VPS13D: variants seen among roughly 807,000 people sequenced by gnomAD.
The protein encoded by VPS13D is vacuolar protein sorting 13 homolog D.
In VPS13D, 187 loss-of-function variants were observed where a neutral mutation model predicts 461.9. The observed-to-expected ratio is 0.40, with a 90% CI of 0.36 to 0.46. The LOEUF is 0.46. Among genes scored for constraint, VPS13D ranks in the 20% least tolerant of loss-of-function variants. The pLI is 0.60. For missense variants in VPS13D, 4,711 were observed against 5,364.9 expected, an observed-to-expected ratio of 0.88 and a Z score of 3.81; for synonymous variants, 1,951 against 1,986.3, an observed-to-expected ratio of 0.98 and a Z score of 0.47.
At position 12,282,917 on chromosome 1, in the gene VPS13D, G is replaced by A. The variant is rs1269490502; in HGVS notation, c.4815G>A (p.Lys1605=). 4 of 1,614,178 alleles carry A rather than the reference G, an allele frequency of 2.5e-6. No individual in the cohort carries two copies. The South Asian group carries it at 3.3e-5, about 13-fold the overall frequency. Reference sequence around the variant, plus strand: ...CCAGCCTTTCTAACACCTCTCAGAAGTCATTGTCAGTGAAGGAAGTCAAAT... The same window carrying A: ...CCAGCCTTTCTAACACCTCTCAGAAATCATTGTCAGTGAAGGAAGTCAAAT... The part of the protein sequence containing the change: ...SHSSLSNTSQ[K]SLSVKEVKSF... Residue 1605 remains lysine (K), a synonymous_variant, in exon 21 of 70, where the codon AAG becomes AAA. Transcript: ENST00000620676.
intron 32 of VPS13D, among the ~76,000 whole-genome samples, chr1:12,321,388 G>A (rs1557707732): frequency 6.6e-6 from 1 of 152,158 alleles, no homozygotes; most frequent in Non-Finnish European, 1.5e-5. Flanking sequence ...TGTTGTAACT[G>A]TCTTCTTAAA....
chr1:12,370,259 C>T (rs575040998), intron 54 of VPS13D, among the ~76,000 whole-genome samples: 4 of 152,258 alleles, frequency 2.6e-5, no homozygotes, highest in East Asian at 1.9e-4. Flanking sequence ...TAGATTGCCA[C>T]GCAGAGATTC....
chr1:12,300,253 G>A (rs957965373), intron 25 of VPS13D, among the ~76,000 whole-genome samples: 2 of 147,360 alleles, frequency 1.4e-5, no homozygotes, highest in African/African-American at 5.0e-5. Context: ...TGTTGCCAAG[G>A]CTGGAGTGCA....
chr1:12,330,364 G>A (rs994709582), intron 37 of VPS13D, among the ~76,000 whole-genome samples: 3 of 152,156 alleles, frequency 2.0e-5, no homozygotes, highest in Non-Finnish European at 4.4e-5. Context: ...GCAGTGAGCT[G>A]AGATCACACC....
At chr1:12,365,502 C>T (rs148783194) in intron 52 of VPS13D, among the ~76,000 whole-genome samples, 12,311 of 152,020 alleles carry the variant, frequency 0.081, 767 homozygotes, top group African/African-American at 0.16. Flanking sequence ...TCAGGAGTTC[C>T]AGACCAGTCT....
chr1:12,344,614 C>T (rs745886358), intron 42 of VPS13D, among the ~76,000 whole-genome samples: 5 of 152,220 alleles, frequency 3.3e-5, no homozygotes, highest in African/African-American at 7.2e-5. Flanking sequence ...TTTTTGTTTC[C>T]GTATTTCATA....
In VPS13D at chr1:12,358,523, T is replaced by A. The variant is rs745764044; in HGVS notation, c.10063T>A (p.Ser3355Thr). The change falls in exon 50 of 70, where the codon TCC (serine) becomes ACC (threonine). Residue 3355 changes from serine to threonine, a missense_variant. Physicochemically the swap from Ser to Thr is moderately conservative, Grantham distance 58. Around this residue, in one of 3 missense-constraint regions of VPS13D, gnomAD observed 4,411 missense variants for 4,937.8 expected, o/e 0.89. Transcript: ENST00000620676. ...CATGCCGGGCTGGTGTCAGGGCTTCTCCCTGGATGGTGGTAGTGGTGTCCG... is the reference window on the plus strand; with the variant it reads ...CATGCCGGGCTGGTGTCAGGGCTTCACCCTGGATGGTGGTAGTGGTGTCCG... ...EGMPGWCQGF[S>T]LDGGSGVRAL... 1 of 1,614,206 alleles carries A rather than the reference T, an allele frequency of 6.2e-7. No individual in the cohort carries two copies. Among genetic ancestry groups the A allele is most frequent in the South Asian group, 1.1e-5 (1 of 91,088 alleles).
At chr1:12,491,445 C>T (rs60889841) in intron 67 of VPS13D, among the ~76,000 whole-genome samples, 1,523 of 152,232 alleles carry the variant, frequency 0.01, 24 homozygotes, top group African/African-American at 0.035. Context: ...GTATAAGCTA[C>T]GAATAATTAA....
chr1:12,420,056 A>G (rs1464480760), intron 65 of VPS13D, among the ~76,000 whole-genome samples: 2 of 152,342 alleles, frequency 1.3e-5, no homozygotes, highest in East Asian at 1.9e-4. Context: ...ACATGACTGT[A>G]TTTTGATACC....
chr1:12,299,118 C>T lies in VPS13D; in HGVS notation c.6034-84C>T, dbSNP rs114797092. ...TGATTTTAATTGTTTTATAAACTCA[C>T]GAAACTTTTGGGAACCTGAGGTTAT... is the stretch of plus-strand genomic sequence containing the variant. On this transcript the variant is annotated intron_variant, in intron 24 of 69. Transcript: ENST00000620676. This position sits in a 1 kb window ranked among gnomAD's most constrained non-coding sequence, Gnocchi z 4.2. 189 of 1,348,684 alleles carry T rather than the reference C, an allele frequency of 1.4e-4. 1 individual carries two copies. Among genetic ancestry groups the T allele is most frequent in the Admixed American group, 2.1e-4 (8 of 38,816 alleles). 83.5% of individuals were successfully genotyped at this position (1,348,684 alleles called of 1,614,324 possible).
At position 12,460,365 on chromosome 1, in the gene VPS13D, G is replaced by T; in HGVS notation, c.12631G>T (p.Val4211Leu). 1.2e-6 allele frequency: 2 copies of T among 1,609,506 alleles called. No homozygotes were observed. The highest frequency in any genetic ancestry group is 2.2e-5 in the South Asian group (2 of 90,388). Reference sequence around the variant, plus strand: ...TTTTGCATCAGAAACAGCCCAGGCGGTGAGAGACACAGCCACACTCAGCGG... The same window carrying T: ...TTTTGCATCAGAAACAGCCCAGGCGTTGAGAGACACAGCCACACTCAGCGG... Reference protein sequence around the residue: ...LDFASETAQAVRDTATLSGPR... With the variant: ...LDFASETAQALRDTATLSGPR... Residue 4211 changes from valine to leucine, a missense_variant, in exon 67 of 70, where the codon GTG becomes TTG. Val to Leu is a conservative substitution (Grantham distance 32, BLOSUM62 1). Coordinates refer to ENST00000620676, the MANE Select transcript of VPS13D (RefSeq NM_015378.4).
At chr1:12,283,948 T>G (rs1272797464) in intron 21 of VPS13D, among the ~76,000 whole-genome samples, 1 of 152,160 alleles carries the variant, frequency 6.6e-6, no homozygotes, top group Non-Finnish European at 1.5e-5. Context: ...AAATAAGTGG[T>G]TTAAGAATCT....
At chr1:12,346,871 A>G (rs567030442) in intron 44 of VPS13D, among the ~76,000 whole-genome samples, 13 of 152,342 alleles carry the variant, frequency 8.5e-5, no homozygotes, top group Admixed American at 2.0e-4. Context: ...TATTACAGGG[A>G]AGGAGAAGGA....
At chr1:12,240,242 C>T (rs1278246301) in intron 2 of VPS13D, among the ~76,000 whole-genome samples, 1 of 152,048 alleles carries the variant, frequency 6.6e-6, no homozygotes, top group Non-Finnish European at 1.5e-5. Flanking sequence ...CAAGGTTGTA[C>T]AGCTGCCAGG....
At chr1:12,253,075 T>A (rs1042050403) in intron 6 of VPS13D, among the ~76,000 whole-genome samples, 1 of 151,750 alleles carries the variant, frequency 6.6e-6, no homozygotes, top group South Asian at 2.1e-4. Context: ...GGAGAATCAC[T>A]TGAACCTGGG....
At chr1:12,308,328 C>A in intron 26 of VPS13D, 103 bp from the exon 27 acceptor site, 1 of 1,269,138 alleles carries the variant, frequency 7.9e-7, no homozygotes, top group South Asian at 1.4e-5. Flanking sequence ...CAGCTGTAAA[C>A]ATTTTCAAAG....
rs1570223595 is a variant in VPS13D, at chr1:12,461,926, C to T, written c.12662+1530C>T. ...GGAGCACAAGTAATGTAGCCACAGT[C>T]ACTGCAGAAAGAATGTCTTTGAGAG... On this transcript the variant is annotated intron_variant, in intron 67 of 69. Coordinates refer to ENST00000620676, the MANE Select transcript of VPS13D (RefSeq NM_015378.4). 5.3e-5 allele frequency among the ~76,000 whole-genome samples: 8 copies of T among 152,298 alleles called. 2 individuals carry two copies. Among genetic ancestry groups the T allele is most frequent in the Admixed American group, 5.2e-4 (8 of 15,302 alleles).
intron 65 of VPS13D, among the ~76,000 whole-genome samples, chr1:12,446,937 AC>A (rs1210707076): frequency 6.6e-6 from 1 of 152,066 alleles, no homozygotes; most frequent in Non-Finnish European, 1.5e-5. Flanking sequence ...TTTCTTTGGG[AC>A]CTGTTTCAGA....
chr1:12,326,091 G>T (rs1643175267), intron 35 of VPS13D, among the ~76,000 whole-genome samples: 1 of 150,732 alleles, frequency 6.6e-6, no homozygotes, highest in South Asian at 2.1e-4. Flanking sequence ...GTGTGAAAAG[G>T]CTTGTTTCAT....
Sources: allele counts gnomAD v4.1 joint callset (sites outside exome capture counted in the v4.1 genomes callset), GRCh38; gene constraint gnomAD v4.1.1; regional missense constraint gnomAD v4.1.1; non-coding constraint Gnocchi (gnomAD v3.1); transcripts MANE v1.5; gene names NCBI Gene and HGNC (gene_info 2026-07-23, HGNC 2026-07-21).